GOLGA8H: variants seen among roughly 807,000 people sequenced by gnomAD.
GOLGA8H encodes the protein golgin subfamily A member 8H.
Under a neutral mutation model 82.7 loss-of-function variants are expected in GOLGA8H, and 47 were observed. The observed-to-expected ratio is 0.57, with a 90% CI of 0.45 to 0.73. The LOEUF is 0.73. Among genes scored for constraint, GOLGA8H ranks in the 30% least tolerant of loss-of-function variants. GOLGA8H has a pLI of 0.00. For missense variants in GOLGA8H, 372 were observed against 661.0 expected, an observed-to-expected ratio of 0.56 and a Z score of 4.79; for synonymous variants, 108 against 241.6, an observed-to-expected ratio of 0.45 and a Z score of 5.13.
rs1485755332 is a variant in GOLGA8H at position 30,614,779 on chromosome 15, TTTTC to T, written c.*222_*225del. Among the ~76,000 whole-genome samples the T allele has an allele frequency of 6.9e-5, 10 of 145,276 alleles. No individual in the cohort carries two copies. Among genetic ancestry groups the T allele is most frequent in the Admixed American group, 7.0e-5 (1 of 14,352 alleles). On this transcript the variant is annotated 3_prime_UTR_variant, in exon 19 of 19. Transcript: ENST00000566740. ...TGTTCACTCTGGCATCCTTTAGCAT[TTTTC>T]TTTTTTAATTTCATAATTGTAGGTC...
At chr15:30,610,221 G>A (rs1412440651) in intron 10 of GOLGA8H, 81 bp from the exon 11 acceptor site, 6 of 1,162,626 alleles carry the variant, frequency 5.2e-6, no homozygotes, top group Admixed American at 1.7e-5. Context: ...CTTTGTGGAG[G>A]TGGGGGCAGA....
rs1331851034 is a variant in GOLGA8H at position 30,615,492 on chromosome 15, C to G, written c.*931C>G. ...ATTTTAAAGTCAGAGTTCATGTTAC[C>G]TGTTTTAATCACATGACTACATGTC... On this transcript the variant is annotated 3_prime_UTR_variant, in exon 19 of 19. Transcript: ENST00000566740. Among the ~76,000 whole-genome samples, 1 of 151,212 alleles carries G rather than the reference C, an allele frequency of 6.6e-6. No homozygotes were observed. Among genetic ancestry groups the G allele is most frequent in the East Asian group, 1.9e-4 (1 of 5,160 alleles).
At chr15:30,609,011 G>C (rs1209886060) in intron 8 of GOLGA8H, among the ~76,000 whole-genome samples, 1 of 134,494 alleles carries the variant, frequency 7.4e-6, no homozygotes, top group Non-Finnish European at 1.6e-5. Context: ...TTACCTGGCT[G>C]TGGTCTTGAG....
chr15:30,608,477 A>G lies in GOLGA8H; in HGVS notation c.407A>G (p.Gln136Arg). Residue 136 changes from glutamine (Q) to arginine (R), a missense_variant, in exon 7 of 19, where the codon CAG becomes CGG. By Grantham distance (43) the Gln-to-Arg change is conservative. Transcript: ENST00000566740. Reference protein sequence around the residue: ...KAKRVLEVQIQTLNIQKGKLN... With the variant: ...KAKRVLEVQIRTLNIQKGKLN... The stretch of plus-strand genomic sequence containing the variant: ...GCTTTTCTCCCAAAGGTTCAAATCC[A>G]GACATTGAACATACAGAAAGGGAAA... The G allele has an allele frequency of 1.9e-6, 3 of 1,610,678 alleles. No homozygotes were observed. Among genetic ancestry groups the G allele is most frequent in the Non-Finnish European group, 2.5e-6 (3 of 1,179,584 alleles).
In GOLGA8H at chr15:30,616,737, T is replaced by C. The variant is rs2060109371; in HGVS notation, c.*2176T>C. Among the ~76,000 whole-genome samples the C allele has an allele frequency of 7.1e-6, 1 of 141,466 alleles. No individual in the cohort carries two copies. The highest frequency in any genetic ancestry group is 1.5e-5 in the Non-Finnish European group (1 of 64,902). The allele number at this position is 141,466 out of a possible 152,430, so 92.8% of individuals were successfully genotyped here. ...TCAGCCACATTATTTGGTCTAACGT[T>C]TTTTCTTTTATCATTCTGAAACTGG... On this transcript the variant is annotated 3_prime_UTR_variant, in exon 19 of 19. Transcript: ENST00000566740.
chr15:30,612,497 A>T, intron 13 of GOLGA8H, 100 bp from the exon 14 acceptor site: 4 of 1,298,870 alleles, frequency 3.1e-6, no homozygotes, highest in Non-Finnish European at 4.3e-6. Context: ...GGCCTGCCAA[A>T]AGTTGCAGGA....
At position 30,614,588 on chromosome 15, in the gene GOLGA8H, A is replaced by C; in HGVS notation, c.*27A>C. 2.5e-6 allele frequency: 4 copies of C among 1,586,702 alleles called. No individual in the cohort carries two copies. The highest frequency in any genetic ancestry group is 1.7e-5 in the Admixed American group (1 of 57,800). The stretch of plus-strand genomic sequence containing the variant: ...CATCACCATCCTCAAAGAGCTGCTC[A>C]AGAAATTTTTAAATAAGAAACCAAG... On this transcript the variant is annotated 3_prime_UTR_variant, in exon 19 of 19. Transcript: ENST00000566740.
rs977868912 is a variant in GOLGA8H, at chr15:30,615,148, T to C, written c.*587T>C. ...AACAGCCTTTCCTCCATTTTCTGTG[T>C]ATTGGTGATGGGAGTGATAACCTTT... On this transcript the variant is annotated 3_prime_UTR_variant, in exon 19 of 19. Coordinates refer to ENST00000566740, the MANE Select transcript of GOLGA8H (RefSeq NM_001282490.2). Among the ~76,000 whole-genome samples, 1 of 151,914 alleles carries C rather than the reference T, an allele frequency of 6.6e-6. No individual in the cohort carries two copies. Among genetic ancestry groups the C allele is most frequent in the African/African-American group, 2.4e-5 (1 of 41,342 alleles).
intron 8 of GOLGA8H, 61 bp from the exon 9 acceptor site, chr15:30,609,745 G>C: frequency 6.3e-7 from 1 of 1,578,446 alleles, no homozygotes; most frequent in Non-Finnish European, 8.7e-7. Flanking sequence ...TCCTTTTAAG[G>C]GGCACTGTGT....
Position 30,608,470 on chromosome 15 carries a change from C to A in GOLGA8H, c.400C>A (p.Gln134Lys), listed in dbSNP as rs199842460. The change falls in exon 7 of 19, where the codon CAA becomes AAA. Residue 134 changes from glutamine (Q) to lysine (K), a missense_variant. Coordinates refer to ENST00000566740, the MANE Select transcript of GOLGA8H (RefSeq NM_001282490.2). The part of the protein sequence containing the change: ...KQKAKRVLEV[Q>K]IQTLNIQKGK... ...TTGCTTGGCTTTTCTCCCAAAGGTT[C>A]AAATCCAGACATTGAACATACAGAA... 1.2e-3 allele frequency: 1,952 copies of A among 1,610,182 alleles called. 26 individuals carry two copies. The highest frequency in any genetic ancestry group is 1.5e-3 in the Non-Finnish European group (1,719 of 1,179,526).
rs772034469 is a variant in GOLGA8H at position 30,608,608 on chromosome 15, G to T, written c.482-39G>T. ...CCTGGCACTTTGACAGGTCTTCAGG[G>T]GGAGTCCTTTGGGCCCCATCTCAAC... is the stretch of plus-strand genomic sequence containing the variant. On this transcript the variant is annotated intron_variant, in intron 7 of 18. Transcript: ENST00000566740. The T allele has an allele frequency of 1.9e-6, 3 of 1,603,870 alleles. No individual in the cohort carries two copies. The South Asian group carries it at 3.3e-5, about 18-fold the overall frequency.
Position 30,608,543 on chromosome 15 carries a change from A to C in GOLGA8H, c.473A>C (p.Tyr158Ser). Reference protein sequence around the residue: ...DLYHMKRSLRYFEEKSKDLAV... With the variant: ...DLYHMKRSLRSFEEKSKDLAV... ...TACCACATGAAACGTTCTCTCAGAT[A>C]CTTTGAAGGTGGGAATCTGGGCACC... The change falls in exon 7 of 19, where the codon TAC (tyrosine) becomes TCC (serine). Residue 158 changes from tyrosine (Y) to serine (S), a missense_variant. Tyr to Ser is a moderately radical substitution (Grantham distance 144). Transcript: ENST00000566740. 1 of 1,610,402 alleles carries C rather than the reference A, an allele frequency of 6.2e-7. No individual in the cohort carries two copies. Among genetic ancestry groups the C allele is most frequent in the Admixed American group, 1.7e-5 (1 of 59,958 alleles).
rs1469987069 is a variant in GOLGA8H, at chr15:30,615,438, C to G, written c.*877C>G. 5.3e-5 allele frequency among the ~76,000 whole-genome samples: 8 copies of G among 151,820 alleles called. No individual in the cohort carries two copies. Among genetic ancestry groups the G allele is most frequent in the Non-Finnish European group, 7.4e-5 (5 of 67,942 alleles). On this transcript the variant is annotated 3_prime_UTR_variant, in exon 19 of 19. Transcript: ENST00000566740. ...TGACTGTGGATGTGGAAATCCTTTC[C>G]TAGCTTAGAGCATTTGTATCTACAA...
intron 14 of GOLGA8H, 92 bp from the exon 15 acceptor site, chr15:30,613,012 T>C: frequency 2.6e-6 from 2 of 775,118 alleles, no homozygotes. Context: ...AGGGGCAGGC[T>C]CAGGGTTACA....
chr15:30,608,949 T>C (rs1392722747), intron 8 of GOLGA8H, among the ~76,000 whole-genome samples, 193 bp downstream of exon 8: 1 of 121,118 alleles, frequency 8.3e-6, no homozygotes, highest in Non-Finnish European at 1.8e-5. Context: ...GGGGTCACTG[T>C]GTGGAGTGAG....
chr15:30,605,926 G>A lies in GOLGA8H; in HGVS notation c.132G>A (p.Glu44=). Residue 44 remains glutamate (E), a synonymous_variant, in exon 2 of 19, where the codon GAG becomes GAA. Transcript: ENST00000566740. ...GGAAAACAAATGGCAGTGTCCCTGA[G>A]AAAGCCACTTCTGGTGGTTGCCAGC... ...RNRKTNGSVP[E]KATSGGCQPP... is the part of the protein sequence containing the mutation. 1.3e-6 allele frequency: 2 copies of A among 1,596,472 alleles called. No homozygotes were observed. Among genetic ancestry groups the A allele is most frequent in the Non-Finnish European group, 1.7e-6 (2 of 1,177,270 alleles).
Position 30,617,716 on chromosome 15 carries a change from G to T in GOLGA8H, c.*3155G>T, listed in dbSNP as rs2060119159. 1 of 152,274 alleles carries T rather than the reference G, an allele frequency of 6.6e-6. No individual in the cohort carries two copies. Among genetic ancestry groups the T allele is most frequent in the Non-Finnish European group, 1.5e-5 (1 of 68,006 alleles). 9.4% of individuals were successfully genotyped at this position (152,274 alleles called of 1,614,324 possible). A position where few individuals can be genotyped will look rare whatever the true frequency, so the allele number is the denominator to read the frequency against. ...TGGCCTTATTGACTGCTGGTGTGAT[G>T]CCACTGTAATGTAATAAATTATTAA... On this transcript the variant is annotated 3_prime_UTR_variant, in exon 19 of 19. Coordinates refer to ENST00000566740, the MANE Select transcript of GOLGA8H (RefSeq NM_001282490.2).
chr15:30,605,643 C>G (rs1250737401), intron 1 of GOLGA8H, among the ~76,000 whole-genome samples, 200 bp from the exon 2 acceptor site: 1 of 150,796 alleles, frequency 6.6e-6, no homozygotes, highest in Middle Eastern at 3.2e-3. Flanking sequence ...TTCAAAGTTC[C>G]AGTATTGCCT....
At position 30,609,789 on chromosome 15, in the gene GOLGA8H, C is replaced by T. The variant is rs75256725; in HGVS notation, c.592-17C>T. ...CCAGGCTCTCCAGATTGAAACTTCT[C>T]ACTCTTCACCATCCAGTTGTCCAGC... On this transcript the variant is annotated splice_polypyrimidine_tract_variant and intron_variant, in intron 8 of 18. Coordinates refer to ENST00000566740, the MANE Select transcript of GOLGA8H (RefSeq NM_001282490.2). 179 of 1,504,524 alleles carry T rather than the reference C, an allele frequency of 1.2e-4. 3 individuals are homozygous for T. The Admixed American group carries it at 1.3e-3, about 11-fold the overall frequency. 93.2% of individuals were successfully genotyped at this position (1,504,524 alleles called of 1,614,324 possible).
Sources: gnomAD v4.1 joint callset for allele counts (sites outside exome capture counted in the v4.1 genomes callset) on GRCh38, gnomAD v4.1.1 for gene constraint, MANE v1.5 for transcripts, NCBI Gene and HGNC (gene_info 2026-07-23, HGNC 2026-07-21) for gene names.